Variants in HOOK3 observed in about 807,000 individuals in gnomAD.
HOOK3 encodes the protein hook microtubule tethering protein 3, also known as protein Hook homolog 3.
HOOK3 carries 24 observed loss-of-function variants against 116.3 expected under a neutral mutation model. The observed-to-expected ratio is 0.21, with a 90% CI of 0.15 to 0.29. The LOEUF is 0.29. Ranked by LOEUF, HOOK3 falls within the 10% of genes least tolerant of loss-of-function variation. The probability of loss-of-function intolerance (pLI) is 1.00; values close to 1 mark genes in which losing one functional copy is unlikely to be tolerated. For missense variants in HOOK3, 632 were observed against 830.2 expected (o/e 0.76, Z 2.93); for synonymous variants, 275 against 283.0 (o/e 0.97, Z 0.28).
At chr8:42,918,776 G>A (rs1474597281) in intron 2 of HOOK3, among the ~76,000 whole-genome samples, 1 of 152,248 alleles carries the variant, frequency 6.6e-6, no homozygotes, top group Non-Finnish European at 1.5e-5. Context: ...TCCCAAGGCA[G>A]AAGAATTTTT....
intron 2 of HOOK3, among the ~76,000 whole-genome samples, chr8:42,907,816 C>CAAAAAAAAAAA (rs71550426): frequency 4.3e-5 from 2 of 46,190 alleles, no homozygotes; most frequent in Non-Finnish European, 9.1e-5. Context: ...AGCAACGAGG[C>CAAAAAAAAAAA]AAAAAAAAAA....
At chr8:42,997,750 A>G (rs766049935) in intron 16 of HOOK3, 113 bp downstream of exon 16, 3 of 704,284 alleles carry the variant, frequency 4.3e-6, no homozygotes. Flanking sequence ...TATTGGTTAT[A>G]GAAAAGAAAT....
At chr8:42,941,867 C>T (rs1808134664) in intron 4 of HOOK3, among the ~76,000 whole-genome samples, 5 of 152,090 alleles carry the variant, frequency 3.3e-5, no homozygotes, top group Admixed American at 1.3e-4. Context: ...ACCTCTGTGT[C>T]GTATCCCCCC....
In HOOK3 at chr8:43,013,051, G is replaced by A. The variant is rs1162376607; in HGVS notation, c.1840G>A (p.Val614Ile). The change falls in exon 20 of 22, where the codon GTC becomes ATC. Residue 614 changes from valine to isoleucine, a missense_variant and splice_region_variant. Val to Ile is a conservative substitution (Grantham distance 29). Around this residue, in one of 3 missense-constraint regions of HOOK3, gnomAD observed 483 missense variants for 648.1 expected, o/e 0.75. Transcript: ENST00000307602. ...ATTTTTCTTTTATTATTTTTTGCAGGTCATCCGTACTTTAGATCCTAAACA... is the reference window on the plus strand; with the variant it reads ...ATTTTTCTTTTATTATTTTTTGCAGATCATCCGTACTTTAGATCCTAAACA... The part of the protein sequence containing the change: ...YKKYLEKAKS[V>I]IRTLDPKQNQ... 1 of 1,585,716 alleles carries A rather than the reference G, an allele frequency of 6.3e-7. No homozygotes were observed. Among genetic ancestry groups the A allele is most frequent in the East Asian group, 2.2e-5 (1 of 44,680 alleles).
chr8:42,939,778 C>T (rs1173273122), intron 4 of HOOK3, among the ~76,000 whole-genome samples: 6 of 150,206 alleles, frequency 4.0e-5, no homozygotes, highest in Admixed American at 2.0e-4. Context: ...GGGCAGCTGC[C>T]GGGCAGAGGG....
At chr8:42,936,622 G>T (rs1402807985) in intron 4 of HOOK3, among the ~76,000 whole-genome samples, 1 of 152,102 alleles carries the variant, frequency 6.6e-6, no homozygotes, top group African/African-American at 2.4e-5. Flanking sequence ...TTTATCGAAG[G>T]CCTTTTCTGC....
At chr8:42,962,911 C>T (rs1242347787) in intron 8 of HOOK3, among the ~76,000 whole-genome samples, 4 of 148,784 alleles carry the variant, frequency 2.7e-5, no homozygotes, top group African/African-American at 1.0e-4. Context: ...AAGCTATTCT[C>T]TTGCCTCAGC....
intron 2 of HOOK3, among the ~76,000 whole-genome samples, chr8:42,909,218 G>A (rs2130328451): frequency 6.6e-6 from 1 of 152,324 alleles, no homozygotes; most frequent in South Asian, 2.1e-4. Flanking sequence ...ATGTAAATTA[G>A]TACAGCCATT....
At position 43,023,678 on chromosome 8, in the gene HOOK3, C is replaced by G. The variant is rs189148205; in HGVS notation, c.*5180C>G. On this transcript the variant is annotated 3_prime_UTR_variant, in exon 22 of 22. Transcript: ENST00000307602. The stretch of plus-strand genomic sequence containing the variant: ...GTTTCACCATGTTGGCCAGGCTGGT[C>G]TCTAACTCCTGACCTCAGGTGATCC... The G allele has an allele frequency of 1.1e-5, 2 of 179,040 alleles. No individual in the cohort carries two copies. The highest frequency in any genetic ancestry group is 4.7e-5 in the African/African-American group (2 of 42,462). 11.1% of individuals were successfully genotyped at this position (179,040 alleles called of 1,614,324 possible). A position where few individuals can be genotyped will look rare whatever the true frequency, so the allele number is the denominator to read the frequency against.
chr8:43,008,945 C>T (rs1586632877), intron 18 of HOOK3, among the ~76,000 whole-genome samples: 2 of 152,096 alleles, frequency 1.3e-5, no homozygotes, highest in Admixed American at 6.5e-5. Context: ...AGGCGTGAGC[C>T]ACCGCGCCCG....
intron 17 of HOOK3, among the ~76,000 whole-genome samples, 162 bp downstream of exon 17, chr8:43,002,303 T>C (rs1809396309): frequency 6.6e-6 from 1 of 152,108 alleles, no homozygotes; most frequent in Non-Finnish European, 1.5e-5. Context: ...CTCCCCAAGG[T>C]TCTCAGGTCA....
intron 2 of HOOK3, among the ~76,000 whole-genome samples, chr8:42,912,249 G>A (rs988141944): frequency 6.6e-6 from 1 of 152,088 alleles, no homozygotes; most frequent in African/African-American, 2.4e-5. Flanking sequence ...AAATGTGAAT[G>A]GATCTAAGTA....
At chr8:42,964,121 G>A (rs1808585404) in intron 8 of HOOK3, among the ~76,000 whole-genome samples, 190 bp from the exon 9 acceptor site, 1 of 152,124 alleles carries the variant, frequency 6.6e-6, no homozygotes. Flanking sequence ...GCAAAAGAAT[G>A]GCGTGAACCC....
intron 15 of HOOK3, among the ~76,000 whole-genome samples, chr8:42,988,175 A>G (rs1250153596): frequency 6.6e-6 from 1 of 152,192 alleles, no homozygotes; most frequent in Admixed American, 6.5e-5. Flanking sequence ...AACTCTGAGG[A>G]GTCTAGAGAA....
chr8:42,964,716 A>C (rs1189966971), intron 9 of HOOK3, among the ~76,000 whole-genome samples: 1 of 151,846 alleles, frequency 6.6e-6, no homozygotes, highest in Non-Finnish European at 1.5e-5. Context: ...AATCCTAGCT[A>C]CTCGGGAGGC....
chr8:43,015,132 G>C (rs1172824517), intron 21 of HOOK3, among the ~76,000 whole-genome samples: 1 of 151,618 alleles, frequency 6.6e-6, no homozygotes, highest in Non-Finnish European at 1.5e-5. Context: ...GTGAGACTCT[G>C]TCTCAAAAAA....
chr8:42,975,072 C>G (rs1285143946), intron 13 of HOOK3, among the ~76,000 whole-genome samples: 2 of 152,050 alleles, frequency 1.3e-5, no homozygotes, highest in African/African-American at 4.8e-5. Context: ...AAGCAGCGGG[C>G]TGGGGAGAGG....
intron 2 of HOOK3, among the ~76,000 whole-genome samples, chr8:42,918,479 G>A (rs1354917131): frequency 6.6e-6 from 1 of 151,752 alleles, no homozygotes; most frequent in Non-Finnish European, 1.5e-5. Context: ...TCGGAGAGGG[G>A]GATTTGGCAG....
intron 2 of HOOK3, among the ~76,000 whole-genome samples, chr8:42,908,144 T>C (rs1807351652): frequency 6.6e-6 from 1 of 152,208 alleles, no homozygotes; most frequent in Non-Finnish European, 1.5e-5. Context: ...CATTGAAAAC[T>C]GTAAAACATT....
Sources: allele counts gnomAD v4.1 joint callset (sites outside exome capture counted in the v4.1 genomes callset), GRCh38; gene constraint gnomAD v4.1.1; regional missense constraint gnomAD v4.1.1; transcripts MANE v1.5; gene names NCBI Gene and HGNC (gene_info 2026-07-23, HGNC 2026-07-21).